The following FNIP1 variants were observed in gnomAD, a reference collection of about 807,000 sequenced individuals.
FNIP1 encodes the protein folliculin-interacting protein 1.
In FNIP1, 40 loss-of-function variants were observed where a neutral mutation model predicts 124.5. That is an observed-to-expected ratio of 0.32 (90% CI 0.25 to 0.42). FNIP1 has a LOEUF of 0.42. Among genes scored for constraint, FNIP1 ranks in the 10% least tolerant of loss-of-function variants. The pLI is 1.00. For synonymous variants in FNIP1, 472 were observed against 470.6 expected (o/e 1.00, Z -0.04); for missense variants, 1,176 against 1,403.7 (o/e 0.84, Z 2.59).
intron 3 of FNIP1, among the ~76,000 whole-genome samples, chr5:131,721,871 C>A (rs566319027): frequency 1.6e-4 from 24 of 152,286 alleles, no homozygotes; most frequent in Admixed American, 1.5e-3. Context: ...TTTGTCTTCA[C>A]AGGAGTCAGA....
At position 131,670,205 on chromosome 5, in the gene FNIP1, A is replaced by G. The variant is rs558945469; in HGVS notation, c.3108+258T>C. On this transcript the variant is annotated intron_variant, in intron 15 of 17. Coordinates refer to ENST00000510461, the MANE Select transcript of FNIP1 (RefSeq NM_133372.3). ...AGCACTTGCAAATTTTTGATACTAT[A>G]AATAACCTAGTTGATGGACATCCAT... is the stretch of plus-strand genomic sequence containing the variant. Among the ~76,000 whole-genome samples the G allele has an allele frequency of 4.6e-5, 7 of 152,336 alleles. No individual in the cohort carries two copies. In the South Asian group the frequency reaches 1.4e-3, roughly 32 times the overall value.
Position 131,683,390 on chromosome 5 carries a change from T to C in FNIP1, c.1203-4215A>G, listed in dbSNP as rs866078741. ...GGAGAAACCCTGTCGCTACTAAAAA[T>C]ACAAAAAAAAAAATTAGCCAGGCGT... On this transcript the variant is annotated intron_variant, in intron 11 of 17. Transcript: ENST00000510461. 4.1e-4 allele frequency among the ~76,000 whole-genome samples: 61 copies of C among 149,956 alleles called. No homozygotes were observed. In the Middle Eastern group the frequency reaches 0.01, roughly 25 times the overall value.
intron 1 of FNIP1, chr5:131,795,949 G>A (rs1772574171): frequency 6.6e-6 from 1 of 152,104 alleles, no homozygotes; most frequent in African/African-American, 2.4e-5. Context: ...AGGCTGTTTG[G>A]ACATAATCTC....
At chr5:131,680,134 T>G (rs776816160) in intron 11 of FNIP1, among the ~76,000 whole-genome samples, 6 of 152,200 alleles carry the variant, frequency 3.9e-5, no homozygotes, top group Non-Finnish European at 7.3e-5. Flanking sequence ...GGAAGGGAAT[T>G]TATCTTAATT....
chr5:131,787,414 G>C (rs2149588387), intron 1 of FNIP1, among the ~76,000 whole-genome samples: 2 of 152,242 alleles, frequency 1.3e-5, no homozygotes, highest in South Asian at 4.1e-4. Context: ...AGAGATGCAA[G>C]CATACACACA....
intron 1 of FNIP1, among the ~76,000 whole-genome samples, chr5:131,791,459 G>T (rs2149591197): frequency 6.6e-6 from 1 of 152,274 alleles, no homozygotes; most frequent in East Asian, 1.9e-4. Flanking sequence ...TGAAAAAAAG[G>T]GAATGTAAAT....
chr5:131,796,872 C>A lies in FNIP1; in HGVS notation c.50G>T (p.Gly17Val). The part of the protein sequence containing the change: ...QKLFSKRTGL[G>V]APGRDARDPD... ...GTCCCGGGCGTCGCGGCCGGGCGCG[C>A]CCAGCCCGGTCCTCTTGCTGAAGAG... Residue 17 changes from glycine to valine, a missense_variant, in exon 1 of 18, where the codon GGC (glycine) becomes GTC (valine). By Grantham distance (109) the Gly-to-Val change is moderately radical (BLOSUM62 -3). Around this residue, in one of 2 missense-constraint regions of FNIP1, gnomAD observed 1,109 missense variants for 1,288.5 expected, o/e 0.86. Transcript: ENST00000510461. The A allele has an allele frequency of 6.2e-7, 1 of 1,608,262 alleles. No homozygotes were observed. The highest frequency in any genetic ancestry group is 1.7e-5 in the Admixed American group (1 of 59,572).
intron 1 of FNIP1, among the ~76,000 whole-genome samples, chr5:131,770,417 T>C (rs1385472882): frequency 6.6e-6 from 1 of 152,254 alleles, no homozygotes; most frequent in Non-Finnish European, 1.5e-5. Flanking sequence ...GTTTGTATTT[T>C]AATATGTATC....
chr5:131,657,744 A>AAAAAAAAAC (rs2149507873), intron 15 of FNIP1, among the ~76,000 whole-genome samples: 1 of 150,568 alleles, frequency 6.6e-6, no homozygotes, highest in African/African-American at 2.4e-5. Context: ...GGCAAAAAAA[A>AAAAAAAAAC]AAAAAAAAAA....
At chr5:131,753,216 AGTGT>A (rs144167049) in intron 1 of FNIP1, among the ~76,000 whole-genome samples, 2 of 152,360 alleles carry the variant, frequency 1.3e-5, no homozygotes, top group East Asian at 3.9e-4. Context: ...GGAGTGTAAA[AGTGT>A]ACAACCATTT....
intron 7 of FNIP1, among the ~76,000 whole-genome samples, chr5:131,709,522 T>A (rs887427092): frequency 2.0e-5 from 3 of 152,100 alleles, no homozygotes; most frequent in African/African-American, 7.2e-5. Context: ...TGACTAAAAG[T>A]CATATTTTGG....
In FNIP1 at chr5:131,702,143, C is replaced by G. The variant is rs568159227; in HGVS notation, c.1116+1922G>C. Among the ~76,000 whole-genome samples, 9 of 152,272 alleles carry G rather than the reference C, an allele frequency of 5.9e-5. 1 individual carries two copies. In the South Asian group the frequency reaches 1.9e-3, roughly 32 times the overall value. On this transcript the variant is annotated intron_variant, in intron 10 of 17. Transcript: ENST00000510461. The stretch of plus-strand genomic sequence containing the variant: ...GACCTACTAAAATATATGTAAGAAC[C>G]ATTTACAATAACTTGAGAAATGTGT...
At chr5:131,714,724 T>C (rs573431498) in intron 6 of FNIP1, among the ~76,000 whole-genome samples, 9 of 152,222 alleles carry the variant, frequency 5.9e-5, no homozygotes, top group Non-Finnish European at 1.3e-4. Flanking sequence ...AAGCCTCATG[T>C]CCTCAAGGAA....
At chr5:131,718,899 G>C in intron 5 of FNIP1, 87 bp downstream of exon 5, 2 of 1,062,108 alleles carry the variant, frequency 1.9e-6, no homozygotes, top group East Asian at 5.0e-5. Context: ...ATCTGAACTT[G>C]TGCTGCAGTC....
intron 15 of FNIP1, among the ~76,000 whole-genome samples, chr5:131,657,736 C>CAAAAAAAAAAAAAAAAAA (rs59097834): frequency 4.6e-5 from 3 of 65,046 alleles, no homozygotes; most frequent in African/African-American, 1.9e-4. Flanking sequence ...GAAAATAAGG[C>CAAAAAAAAAAAAAAAAAA]AAAAAAAAAA....
At chr5:131,766,974 C>A (rs1414119143) in intron 1 of FNIP1, among the ~76,000 whole-genome samples, 4 of 152,148 alleles carry the variant, frequency 2.6e-5, no homozygotes, top group African/African-American at 9.7e-5. Flanking sequence ...CACACCAAAT[C>A]TCCTCGGGAA....
chr5:131,657,216 C>A (rs1767222557), intron 15 of FNIP1, among the ~76,000 whole-genome samples: 1 of 151,706 alleles, frequency 6.6e-6, no homozygotes, highest in Non-Finnish European at 1.5e-5. Flanking sequence ...GTTGGCCAGG[C>A]TGGTCTCGAA....
rs373665516 is a variant in FNIP1, at chr5:131,654,174, C to A, written c.3109-2175G>T. Among the ~76,000 whole-genome samples the A allele has an allele frequency of 3.3e-5, 5 of 152,306 alleles. No homozygotes were observed. In the East Asian group the frequency reaches 9.6e-4, roughly 29 times the overall value. The stretch of plus-strand genomic sequence containing the variant: ...GGCATATGGCTATGTCCTTACCTTC[C>A]CCCGGTTTACAAACAAAGACCAAAA... On this transcript the variant is annotated intron_variant, in intron 15 of 17. Coordinates refer to ENST00000510461, the MANE Select transcript of FNIP1 (RefSeq NM_133372.3).
rs186024204 is a variant in FNIP1 at position 131,767,302 on chromosome 5, A to G, written c.93-22612T>C. Among the ~76,000 whole-genome samples the G allele has an allele frequency of 9.9e-5, 15 of 151,604 alleles. No individual in the cohort carries two copies. The East Asian group carries it at 2.9e-3, about 30-fold the overall frequency. On this transcript the variant is annotated intron_variant, in intron 1 of 17. Coordinates refer to ENST00000510461, the MANE Select transcript of FNIP1 (RefSeq NM_133372.3). ...CAAAAATTAGCTGGGCATGGTGTGCACCTGTAGTCCCAGCTACTCGGGAGG... is the reference window on the plus strand; with the variant it reads ...CAAAAATTAGCTGGGCATGGTGTGCGCCTGTAGTCCCAGCTACTCGGGAGG...
Sources: allele counts gnomAD v4.1 joint callset (sites outside exome capture counted in the v4.1 genomes callset), GRCh38; gene constraint gnomAD v4.1.1; regional missense constraint gnomAD v4.1.1; transcripts MANE v1.5; gene names NCBI Gene and HGNC (gene_info 2026-07-23, HGNC 2026-07-21).